PDZD2: variants seen among roughly 807,000 people sequenced by gnomAD.
PDZD2 encodes the protein PDZ domain-containing protein 2.
Under a neutral mutation model 220.7 loss-of-function variants are expected in PDZD2, and 90 were observed. The ratio of observed to expected loss-of-function variants is 0.41; its 90% CI spans 0.34 to 0.49. The LOEUF (loss-of-function observed/expected upper bound fraction) is 0.49. Among genes scored for constraint, PDZD2 ranks in the 20% least tolerant of loss-of-function variants. The pLI, the probability that PDZD2 is intolerant of heterozygous loss-of-function variation, is 0.28. For synonymous variants in PDZD2, 1,375 were observed against 1,450.5 expected, an observed-to-expected ratio of 0.95 and a Z score of 1.18; for missense variants, 3,174 against 3,608.5, an observed-to-expected ratio of 0.88 and a Z score of 3.08.
intron 6 of PDZD2, among the ~76,000 whole-genome samples, chr5:32,035,609 T>C (rs1755475839): frequency 6.6e-6 from 1 of 152,020 alleles, no homozygotes; most frequent in South Asian, 2.1e-4. Flanking sequence ...TAGCTGGGAC[T>C]ACAGGCACCC....
intron 2 of PDZD2, among the ~76,000 whole-genome samples, chr5:31,813,449 CAAAAAAAAAAA>C (rs60551914): frequency 0.14 from 12,847 of 94,418 alleles, 713 homozygotes; most frequent in Middle Eastern, 0.25. Context: ...GACTCCGTCT[CAAAAAAAAAAA>C]AAAAAAAAAA....
At chr5:31,772,475 T>C (rs1318418721) in intron 1 of PDZD2, among the ~76,000 whole-genome samples, 3 of 152,198 alleles carry the variant, frequency 2.0e-5, no homozygotes, top group African/African-American at 7.2e-5. Flanking sequence ...CATTGCCCCA[T>C]CCGCGAGTTG....
chr5:31,878,707 C>A (rs1375313839), intron 2 of PDZD2, among the ~76,000 whole-genome samples: 3 of 151,592 alleles, frequency 2.0e-5, no homozygotes, highest in South Asian at 4.2e-4. Flanking sequence ...ACTACAGGCG[C>A]CCGCCACCTC....
Position 31,983,552 on chromosome 5 carries a change from C to T in PDZD2, c.874C>T (p.His292Tyr). ...GTCAGAAGTGGACAGAGGGACAGAG[C>T]ATAGAATTCCAAAGACAGATGCTCC... is the stretch of plus-strand genomic sequence containing the variant. ...ERSEVDRGTE[H>Y]RIPKTDAPLT... Residue 292 changes from histidine (H) to tyrosine (Y), a missense_variant, in exon 3 of 25, where the codon CAT (histidine) becomes TAT (tyrosine). By Grantham distance (83) the His-to-Tyr change is moderately conservative. Around this residue, in one of 4 missense-constraint regions of PDZD2, gnomAD observed 632 missense variants for 708.1 expected, o/e 0.89. Coordinates refer to ENST00000438447, the MANE Select transcript of PDZD2 (RefSeq NM_178140.4). 1 of 1,614,132 alleles carries T rather than the reference C, an allele frequency of 6.2e-7. No individual in the cohort carries two copies. The highest frequency in any genetic ancestry group is 1.1e-5 in the South Asian group (1 of 91,084).
intron 7 of PDZD2, 40 bp downstream of exon 7, chr5:32,037,382 AGTTT>A: frequency 8.6e-7 from 1 of 1,156,436 alleles, no homozygotes; most frequent in Non-Finnish European, 1.3e-6. Context: ...GTCTAGGATG[AGTTT>A]TCAGCCTCAG....
At chr5:31,669,087 AAC>A (rs1386096594) in intron 1 of PDZD2, among the ~76,000 whole-genome samples, 2 of 151,406 alleles carry the variant, frequency 1.3e-5, no homozygotes, top group Admixed American at 6.6e-5. Flanking sequence ...CTAAACATCT[AAC>A]AGTGCACAGG....
chr5:31,896,814 AG>A (rs1561551247), intron 2 of PDZD2, among the ~76,000 whole-genome samples: 1 of 152,214 alleles, frequency 6.6e-6, no homozygotes, highest in Non-Finnish European at 1.5e-5. Context: ...AAAATTAGCC[AG>A]GCATGGTGCC....
chr5:31,667,855 CTTTTTTTTTTTTTTTTT>C (rs561833214), intron 1 of PDZD2, among the ~76,000 whole-genome samples: 1 of 77,968 alleles, frequency 1.3e-5, no homozygotes, highest in Admixed American at 2.0e-4. Flanking sequence ...TTTTTTTTTC[CTTTTTTTTTTTTTTTTT>C]TTTTTTTGAG....
At chr5:32,072,393 G>A (rs925724110) in intron 17 of PDZD2, 76 bp downstream of exon 17, 11 of 1,194,602 alleles carry the variant, frequency 9.2e-6, no homozygotes, top group East Asian at 4.8e-5. Flanking sequence ...CTGTGCTGGC[G>A]GCTACAATGG....
In PDZD2 at chr5:32,034,186, C is replaced by T. The variant is rs115747766; in HGVS notation, c.1408-3045C>T. On this transcript the variant is annotated intron_variant, in intron 6 of 24. Coordinates refer to ENST00000438447, the MANE Select transcript of PDZD2 (RefSeq NM_178140.4). ...ATAGGCTGGCATGGTTTTCCTTGCT[C>T]GGCATGAGCATCTCAGACAGACTTT... 2.7e-3 allele frequency among the ~76,000 whole-genome samples: 411 copies of T among 152,102 alleles called. 1 individual carries two copies. The highest frequency in any genetic ancestry group is 4.6e-3 in the Admixed American group (71 of 15,276).
In PDZD2 at chr5:32,087,364, C is replaced by T. The variant is rs1426860796; in HGVS notation, c.3916C>T (p.Arg1306Ter). The change falls in exon 20 of 25, where the codon CGA becomes TGA. Residue 1306 changes from arginine to a stop codon, truncating the protein, a stop_gained. Coordinates refer to ENST00000438447, the MANE Select transcript of PDZD2 (RefSeq NM_178140.4). LOFTEE classifies it high-confidence loss of function. This position sits in a 1 kb window ranked among gnomAD's most constrained non-coding sequence, Gnocchi z 4.0. ...GGCTCCCCCTGACTACAGCAAGACT[C>T]GATCAGCATCGGAAACCAGCACACC... is the stretch of plus-strand genomic sequence containing the variant. ...AAAPPDYSKT[R>*]SASETSTPHN... 4 of 1,613,998 alleles carry T rather than the reference C, an allele frequency of 2.5e-6. No homozygotes were observed. The highest frequency in any genetic ancestry group is 3.4e-6 in the Non-Finnish European group (4 of 1,179,920).
chr5:31,725,671 T>C, intron 1 of PDZD2: 1 of 1,015,992 alleles, frequency 9.8e-7, no homozygotes, highest in Non-Finnish European at 1.6e-6. Context: ...AGACTTGTAA[T>C]GTGCTTTGGA....
At chr5:31,679,710 A>G (rs147695954) in intron 1 of PDZD2, among the ~76,000 whole-genome samples, 210 of 152,254 alleles carry the variant, frequency 1.4e-3, no homozygotes, top group African/African-American at 4.8e-3. Flanking sequence ...GGGTTTTGCC[A>G]TGCTGGCCAG....
At chr5:32,058,588 C>T (rs111715498) in intron 12 of PDZD2, among the ~76,000 whole-genome samples, 2,535 of 150,960 alleles carry the variant, frequency 0.017, 61 homozygotes, top group African/African-American at 0.058. Context: ...GCAAGACAAT[C>T]GCTCGAACCC....
chr5:31,697,708 C>T (rs113176896), intron 1 of PDZD2, among the ~76,000 whole-genome samples: 77 of 152,212 alleles, frequency 5.1e-4, no homozygotes, highest in African/African-American at 1.8e-3. Flanking sequence ...CACGAAGCCC[C>T]TCCAGCTGCT....
At chr5:31,810,236 A>G (rs965812389) in intron 2 of PDZD2, among the ~76,000 whole-genome samples, 3 of 118,682 alleles carry the variant, frequency 2.5e-5, no homozygotes, top group Non-Finnish European at 5.7e-5. Context: ...ATGCCCTCAA[A>G]ATGACTTTTT....
rs566476740 is a variant in PDZD2, at chr5:31,888,279, G to A, written c.476+88555G>A. On this transcript the variant is annotated intron_variant, in intron 2 of 24. Coordinates refer to ENST00000438447, the MANE Select transcript of PDZD2 (RefSeq NM_178140.4). ...ATGATCTCAGCTCACTGCAACTTCCGCCTACTGGGTTCAAGTAATTCTCCT... is the reference window on the plus strand; with the variant it reads ...ATGATCTCAGCTCACTGCAACTTCCACCTACTGGGTTCAAGTAATTCTCCT... 8.6e-5 allele frequency among the ~76,000 whole-genome samples: 13 copies of A among 151,642 alleles called. No homozygotes were observed. In the South Asian group the frequency reaches 1.7e-3, roughly 19 times the overall value.
At chr5:31,955,868 T>C (rs942467621) in intron 2 of PDZD2, among the ~76,000 whole-genome samples, 1 of 152,142 alleles carries the variant, frequency 6.6e-6, no homozygotes, top group African/African-American at 2.4e-5. Flanking sequence ...TTTTTAAAAT[T>C]TCCTTTTTGA....
At chr5:31,662,731 G>A (rs927749489) in intron 1 of PDZD2, among the ~76,000 whole-genome samples, 1 of 152,186 alleles carries the variant, frequency 6.6e-6, no homozygotes, top group African/African-American at 2.4e-5. Context: ...CCAGGTTCAC[G>A]CCATTCTCCT....
Sources: allele counts gnomAD v4.1 joint callset (sites outside exome capture counted in the v4.1 genomes callset), GRCh38; gene constraint gnomAD v4.1.1; regional missense constraint gnomAD v4.1.1; non-coding constraint Gnocchi (gnomAD v3.1); transcripts MANE v1.5; gene names NCBI Gene and HGNC (gene_info 2026-07-23, HGNC 2026-07-21).